ZNRF3: variants seen among roughly 807,000 people sequenced by gnomAD.
ZNRF3 encodes E3 ubiquitin-protein ligase ZNRF3.
Under a neutral mutation model 72.5 loss-of-function variants are expected in ZNRF3, and 23 were observed. That is an observed-to-expected ratio of 0.32 (90% CI 0.23 to 0.45). The LOEUF is 0.45. Ranked by LOEUF, ZNRF3 falls within the 20% of genes least tolerant of loss-of-function variation. ZNRF3 has a pLI of 1.00. For missense variants in ZNRF3, 1,169 were observed against 1,272.1 expected, an observed-to-expected ratio of 0.92 and a Z score of 1.23; for synonymous variants, 610 against 545.3, an observed-to-expected ratio of 1.12 and a Z score of -1.65.
intron 8 of ZNRF3, among the ~76,000 whole-genome samples, chr22:29,051,427 TA>T (rs1201472287): frequency 1.3e-5 from 2 of 152,044 alleles, no homozygotes; most frequent in African/African-American, 2.4e-5. Context: ...AGCCACTTCA[TA>T]AACATTCTCG....
At chr22:28,931,000 C>T (rs1218022160) in intron 1 of ZNRF3, among the ~76,000 whole-genome samples, 1 of 152,062 alleles carries the variant, frequency 6.6e-6, no homozygotes, top group African/African-American at 2.4e-5. Flanking sequence ...AAGGGTTTGG[C>T]CAGAGTATAA....
chr22:28,890,200 G>A (rs1172941089), intron 1 of ZNRF3, among the ~76,000 whole-genome samples: 1 of 152,140 alleles, frequency 6.6e-6, no homozygotes, highest in Non-Finnish European at 1.5e-5. Flanking sequence ...TACAATACTG[G>A]GTTGTATGAA....
intron 1 of ZNRF3, among the ~76,000 whole-genome samples, chr22:28,946,846 A>G (rs1331875787): frequency 6.6e-6 from 1 of 152,138 alleles, no homozygotes; most frequent in Non-Finnish European, 1.5e-5. Context: ...CTTGACCATG[A>G]GGTTGGTTGA....
intron 1 of ZNRF3, among the ~76,000 whole-genome samples, chr22:28,958,844 C>T (rs992102127): frequency 2.6e-5 from 4 of 152,124 alleles, no homozygotes; most frequent in African/African-American, 7.2e-5. Context: ...TGTTCAGAAC[C>T]GAATGAATTG....
chr22:29,044,499 A>T (rs924560576), intron 4 of ZNRF3, among the ~76,000 whole-genome samples: 1 of 152,154 alleles, frequency 6.6e-6, no homozygotes, highest in Non-Finnish European at 1.5e-5. Context: ...GTTACAGCCA[A>T]CTTTGCAGTA....
At chr22:28,888,811 C>T (rs2033835163) in intron 1 of ZNRF3, among the ~76,000 whole-genome samples, 1 of 152,204 alleles carries the variant, frequency 6.6e-6, no homozygotes, top group South Asian at 2.1e-4. Context: ...TAGCAGATGA[C>T]AAACCTGGAT....
chr22:28,980,511 T>C (rs2035746839), intron 1 of ZNRF3, among the ~76,000 whole-genome samples: 2 of 152,076 alleles, frequency 1.3e-5, no homozygotes, highest in Admixed American at 1.3e-4. Context: ...TGGAACAAAA[T>C]AAGGAGTGAG....
intron 1 of ZNRF3, among the ~76,000 whole-genome samples, chr22:28,920,131 A>G (rs1034494439): frequency 6.7e-6 from 1 of 149,842 alleles, no homozygotes; most frequent in African/African-American, 2.5e-5. Flanking sequence ...CACTATGCCC[A>G]GCTATTTTTT....
intron 2 of ZNRF3, among the ~76,000 whole-genome samples, chr22:28,998,787 A>T (rs529422652): frequency 6.6e-6 from 1 of 152,278 alleles, no homozygotes; most frequent in African/African-American, 2.4e-5. Context: ...ATCCACTGGG[A>T]GGCTTAAGAG....
At chr22:28,888,981 G>A (rs1167472910) in intron 1 of ZNRF3, among the ~76,000 whole-genome samples, 1 of 152,136 alleles carries the variant, frequency 6.6e-6, no homozygotes, top group Non-Finnish European at 1.5e-5. Flanking sequence ...CAGGTGTGGT[G>A]GCACATGCCT....
intron 2 of ZNRF3, chr22:29,025,432 A>G (rs2036614616): frequency 6.6e-6 from 1 of 152,138 alleles, no homozygotes; most frequent in African/African-American, 2.4e-5. Flanking sequence ...ACACCAGCCT[A>G]TGGCACACAT....
chr22:28,939,393 C>T (rs2034900561), intron 1 of ZNRF3, among the ~76,000 whole-genome samples: 1 of 151,698 alleles, frequency 6.6e-6, no homozygotes, highest in Admixed American at 6.6e-5. Flanking sequence ...TAAATATGTA[C>T]ATATAATGTG....
At chr22:28,913,418 G>T (rs1265732972) in intron 1 of ZNRF3, among the ~76,000 whole-genome samples, 1 of 152,168 alleles carries the variant, frequency 6.6e-6, no homozygotes, top group East Asian at 1.9e-4. Context: ...GATATGGAGT[G>T]GCGGGTAGCC....
At chr22:28,982,963 G>A (rs2035792520) in intron 1 of ZNRF3, among the ~76,000 whole-genome samples, 1 of 152,170 alleles carries the variant, frequency 6.6e-6, no homozygotes, top group Non-Finnish European at 1.5e-5. Context: ...ATGTAAACTG[G>A]AATAAGGAGC....
At chr22:29,021,489 T>TC (rs1225180206) in intron 2 of ZNRF3, among the ~76,000 whole-genome samples, 2 of 123,512 alleles carry the variant, frequency 1.6e-5, no homozygotes, top group Non-Finnish European at 3.6e-5. Flanking sequence ...CTTGTTTTAA[T>TC]CTTTTTTTTT....
Position 29,056,102 on chromosome 22 carries a change from T to C in ZNRF3, c.*2480T>C, listed in dbSNP as rs1477035827. On this transcript the variant is annotated 3_prime_UTR_variant, in exon 9 of 9. Transcript: ENST00000544604. ...AACCTTAAATACCAAATACCAACCA[T>C]TGCCTTTTTTTTTTTTGAGATGGAA... 1 of 109,616 alleles carries C rather than the reference T, an allele frequency of 9.1e-6. No individual in the cohort carries two copies. Among genetic ancestry groups the C allele is most frequent in the African/African-American group, 4.3e-5 (1 of 23,194 alleles). The allele number at this position is 109,616 out of a possible 1,614,324, so 6.8% of individuals were successfully genotyped here. A position where few individuals can be genotyped will look rare whatever the true frequency, so the allele number is the denominator to read the frequency against.
intron 2 of ZNRF3, among the ~76,000 whole-genome samples, chr22:28,993,825 G>A (rs1001385281): frequency 1.4e-4 from 21 of 152,160 alleles, no homozygotes; most frequent in Non-Finnish European, 2.4e-4. Context: ...TGGGACTACA[G>A]GTGTGTGCCA....
intron 1 of ZNRF3, among the ~76,000 whole-genome samples, chr22:28,950,533 C>T (rs185270764): frequency 1.1e-3 from 164 of 152,296 alleles, no homozygotes; most frequent in African/African-American, 3.7e-3. Context: ...TCATTTTCTT[C>T]TTCCTTTCCT....
At chr22:28,899,274 C>G (rs1340798947) in intron 1 of ZNRF3, among the ~76,000 whole-genome samples, 3 of 152,146 alleles carry the variant, frequency 2.0e-5, no homozygotes, top group Admixed American at 6.5e-5. Flanking sequence ...TTTCCTGACT[C>G]TTGTGTTTAA....
Sources: gnomAD v4.1 joint callset for allele counts (sites outside exome capture counted in the v4.1 genomes callset) on GRCh38, gnomAD v4.1.1 for gene constraint, MANE v1.5 for transcripts, NCBI Gene and HGNC (gene_info 2026-07-23, HGNC 2026-07-21) for gene names.